CEP128: variants seen among roughly 807,000 people sequenced by gnomAD.
CEP128 encodes the protein centrosomal protein 128kDa.
In CEP128, 132 loss-of-function variants were observed where a neutral mutation model predicts 156.7. The ratio of observed to expected loss-of-function variants is 0.84; its 90% CI spans 0.73 to 0.97. CEP128 has a LOEUF of 0.97. Ranked by LOEUF, CEP128 falls within the 50% of genes least tolerant of loss-of-function variation. CEP128 has a pLI of 0.00. For missense variants in CEP128, 1,252 were observed against 1,281.9 expected (o/e 0.98, Z 0.36); for synonymous variants, 469 against 448.9 (o/e 1.04, Z -0.57).
chr14:80,485,039 G>A (rs567449556), intron 14 of CEP128, among the ~76,000 whole-genome samples: 3 of 152,170 alleles, frequency 2.0e-5, no homozygotes, highest in South Asian at 2.1e-4. Context: ...GACAGAAGAC[G>A]GCAGCCATTG....
At chr14:80,660,066 T>G (rs974496480) in intron 19 of CEP128, among the ~76,000 whole-genome samples, 8 of 152,148 alleles carry the variant, frequency 5.3e-5, no homozygotes, top group African/African-American at 1.9e-4. Flanking sequence ...TACAAATGGA[T>G]AGGGAGGTCT....
chr14:80,607,021 A>G (rs1892808811), intron 19 of CEP128, among the ~76,000 whole-genome samples: 1 of 151,564 alleles, frequency 6.6e-6, no homozygotes, highest in Non-Finnish European at 1.5e-5. Context: ...ATATATTTAT[A>G]TAACATATAT....
At chr14:80,728,477 A>C (rs537471540) in intron 19 of CEP128, among the ~76,000 whole-genome samples, 1 of 152,172 alleles carries the variant, frequency 6.6e-6, no homozygotes, top group South Asian at 2.1e-4. Flanking sequence ...CTATTTAGTC[A>C]TATAACAAAT....
intron 9 of CEP128, among the ~76,000 whole-genome samples, chr14:80,858,881 A>C (rs1887356763): frequency 6.6e-6 from 1 of 152,202 alleles, no homozygotes; most frequent in Non-Finnish European, 1.5e-5. Flanking sequence ...GGCAATCATT[A>C]AAAAGTCAGG....
intron 19 of CEP128, among the ~76,000 whole-genome samples, chr14:80,626,470 C>CAAAAAAAAAAA (rs60238276): frequency 1.2e-4 from 10 of 80,682 alleles, no homozygotes; most frequent in African/African-American, 2.3e-4. Flanking sequence ...GACTCCGTCT[C>CAAAAAAAAAAA]AAAAAAAAAA....
intron 8 of CEP128, among the ~76,000 whole-genome samples, chr14:80,889,177 T>C (rs1315664917): frequency 6.6e-6 from 1 of 152,198 alleles, no homozygotes; most frequent in African/African-American, 2.4e-5. Context: ...ACATGAAGAA[T>C]CAATATCATG....
chr14:80,876,843 A>G lies in CEP128; in HGVS notation c.646-13970T>C, dbSNP rs146192753. Among the ~76,000 whole-genome samples, 15 of 152,338 alleles carry G rather than the reference A, an allele frequency of 9.8e-5. No individual in the cohort carries two copies. In the East Asian group the frequency reaches 2.9e-3, roughly 29 times the overall value. On this transcript the variant is annotated intron_variant, in intron 8 of 24. Coordinates refer to ENST00000555265, the MANE Select transcript of CEP128 (RefSeq NM_152446.5). Reference sequence around the variant, plus strand: ...AGACGGGATACTTTCAGGCATATGCACACTCACCCTAAAGGAAATCTTAAA... The same window carrying G: ...AGACGGGATACTTTCAGGCATATGCGCACTCACCCTAAAGGAAATCTTAAA...
intron 14 of CEP128, among the ~76,000 whole-genome samples, chr14:80,479,129 G>A (rs1160564727): frequency 6.6e-6 from 1 of 152,170 alleles, no homozygotes; most frequent in Non-Finnish European, 1.5e-5. Context: ...TAAGAAAAAT[G>A]AAGCTCAGAA....
intron 21 of CEP128, among the ~76,000 whole-genome samples, chr14:80,540,573 A>T (rs1889711479): frequency 6.6e-6 from 1 of 152,194 alleles, no homozygotes; most frequent in Non-Finnish European, 1.5e-5. Context: ...AAAATTCTGT[A>T]TTTAATTCTT....
At chr14:80,653,787 A>G (rs1895015052) in intron 19 of CEP128, among the ~76,000 whole-genome samples, 1 of 152,212 alleles carries the variant, frequency 6.6e-6, no homozygotes, top group African/African-American at 2.4e-5. Flanking sequence ...AGAGTGTTTC[A>G]AATTGTGAGA....
At chr14:80,520,984 A>T (rs180894532) in intron 23 of CEP128, among the ~76,000 whole-genome samples, 6,414 of 144,378 alleles carry the variant, frequency 0.044, 214 homozygotes, top group East Asian at 0.13. Flanking sequence ...CACCACGCCC[A>T]GCTAATTTTT....
chr14:80,910,348 T>G (rs1884135493), intron 4 of CEP128, among the ~76,000 whole-genome samples: 1 of 152,194 alleles, frequency 6.6e-6, no homozygotes, highest in African/African-American at 2.4e-5. Flanking sequence ...GTGTTGGAAG[T>G]GGAGCCTGGT....
rs1891470928 is a variant in CEP128 at position 80,578,896 on chromosome 14, T to C, written c.2856+1478A>G. Among the ~76,000 whole-genome samples, 3 of 152,214 alleles carry C rather than the reference T, an allele frequency of 2.0e-5. No individual in the cohort carries two copies. The South Asian group carries it at 6.2e-4, about 31-fold the overall frequency. On this transcript the variant is annotated intron_variant, in intron 20 of 24. Coordinates refer to ENST00000555265, the MANE Select transcript of CEP128 (RefSeq NM_152446.5). ...AAGTGTCAACATTTAACTCTTCTGCTCTGGGACATCATATTACACATTCTC... is the reference window on the plus strand; with the variant it reads ...AAGTGTCAACATTTAACTCTTCTGCCCTGGGACATCATATTACACATTCTC...
chr14:80,564,676 A>T (rs1280841751), intron 20 of CEP128, among the ~76,000 whole-genome samples: 1 of 152,198 alleles, frequency 6.6e-6, no homozygotes, highest in Non-Finnish European at 1.5e-5. Context: ...TGACTCTGAA[A>T]CAAAATTGAT....
intron 9 of CEP128, among the ~76,000 whole-genome samples, chr14:80,851,173 C>G (rs1886870161): frequency 6.6e-6 from 1 of 152,012 alleles, no homozygotes; most frequent in African/African-American, 2.4e-5. Context: ...TGTGATAAAC[C>G]CTGTACTACC....
intron 20 of CEP128, among the ~76,000 whole-genome samples, chr14:80,572,681 T>C (rs946161160): frequency 9.9e-5 from 14 of 141,556 alleles, no homozygotes; most frequent in African/African-American, 3.8e-4. Context: ...AACATCATAA[T>C]GTGTTGAGAT....
chr14:80,851,129 G>A (rs1178584724), intron 9 of CEP128, among the ~76,000 whole-genome samples: 1 of 152,078 alleles, frequency 6.6e-6, no homozygotes, highest in Non-Finnish European at 1.5e-5. Context: ...ATTTGGAAAC[G>A]TCAATTTCTT....
At chr14:80,683,920 C>A (rs1032674997) in intron 19 of CEP128, among the ~76,000 whole-genome samples, 2 of 151,874 alleles carry the variant, frequency 1.3e-5, no homozygotes, top group Non-Finnish European at 2.9e-5. Context: ...ACACAACATA[C>A]CAAAACCTCT....
At chr14:80,563,174 A>C (rs1410692096) in intron 20 of CEP128, among the ~76,000 whole-genome samples, 1 of 151,876 alleles carries the variant, frequency 6.6e-6, no homozygotes, top group Non-Finnish European at 1.5e-5. Context: ...TCATTACTCC[A>C]CCCACCCTTC....
Sources: allele counts gnomAD v4.1 joint callset (sites outside exome capture counted in the v4.1 genomes callset), GRCh38; gene constraint gnomAD v4.1.1; transcripts MANE v1.5; gene names NCBI Gene and HGNC (gene_info 2026-07-23, HGNC 2026-07-21).